PPP2R2D: variants seen among roughly 807,000 people sequenced by gnomAD.
PPP2R2D encodes serine/threonine-protein phosphatase 2A 55 kDa regulatory subunit B delta isoform.
A neutral mutation model predicts 31.1 loss-of-function variants in PPP2R2D; 9 were observed. That is an observed-to-expected ratio of 0.29 (90% CI 0.17 to 0.51). The LOEUF is 0.51. Among genes scored for constraint, PPP2R2D ranks in the 20% least tolerant of loss-of-function variants. The pLI, the probability that PPP2R2D is intolerant of heterozygous loss-of-function variation, is 0.98. For synonymous variants in PPP2R2D, 179 were observed against 172.6 expected (o/e 1.04, Z -0.29); for missense variants, 391 against 465.6 (o/e 0.84, Z 1.48).
At chr10:131,928,162 G>A (rs782044121) in intron 2 of PPP2R2D, among the ~76,000 whole-genome samples, 3 of 152,176 alleles carry the variant, frequency 2.0e-5, no homozygotes, top group Admixed American at 1.3e-4. Context: ...GCTAGGGAGG[G>A]TGGACACCAG....
At chr10:131,914,638 G>A (rs908816057) in intron 2 of PPP2R2D, among the ~76,000 whole-genome samples, 1 of 152,202 alleles carries the variant, frequency 6.6e-6, no homozygotes, top group African/African-American at 2.4e-5. Context: ...ACTTTGTGGA[G>A]TAAGAGTGTT....
chr10:131,964,267 CTAACTTTAGTTTCCG>C (rs201722623), downstream of PPP2R2D, among the ~76,000 whole-genome samples: 2 of 152,084 alleles, frequency 1.3e-5, no homozygotes, highest in East Asian at 3.9e-4. Flanking sequence ...CAAGAACCCA[CTAACTTTAGTTTCCG>C]TCGACGAATC....
At position 131,959,425 on chromosome 10, in the gene PPP2R2D, C is replaced by G. The variant is rs1341302430; in HGVS notation, c.*3462C>G. On this transcript the variant is annotated 3_prime_UTR_variant, in exon 9 of 9. Coordinates refer to ENST00000455566, the MANE Select transcript of PPP2R2D (RefSeq NM_018461.5). ...GGAGATGAAGGTGTGTGCTGATCCC[C>G]CATCCCCCTGTGGAGATGAAGGCGT... is the stretch of plus-strand genomic sequence containing the variant. 1 of 149,528 alleles carries G rather than the reference C, an allele frequency of 6.7e-6. No individual in the cohort carries two copies. Among genetic ancestry groups the G allele is most frequent in the Non-Finnish European group, 1.5e-5 (1 of 68,070 alleles). 9.3% of individuals were successfully genotyped at this position (149,528 alleles called of 1,614,324 possible). A position where few individuals can be genotyped will look rare whatever the true frequency, so the allele number is the denominator to read the frequency against.
chr10:131,948,447 A>T (rs183862954), intron 8 of PPP2R2D, among the ~76,000 whole-genome samples: 1 of 152,212 alleles, frequency 6.6e-6, no homozygotes, highest in African/African-American at 2.4e-5. Context: ...AGAGGAGTCT[A>T]TTGGCAATAA....
At chr10:131,953,424 G>T (rs2036727617) in intron 8 of PPP2R2D, among the ~76,000 whole-genome samples, 1 of 98,040 alleles carries the variant, frequency 1.0e-5, no homozygotes, top group African/African-American at 4.1e-5. Context: ...GACTTGCGGG[G>T]GGTCCCTGTC....
Position 131,956,361 on chromosome 10 carries a change from C to T in PPP2R2D, c.*398C>T. On this transcript the variant is annotated 3_prime_UTR_variant, in exon 9 of 9. Transcript: ENST00000455566. ...TTCTCTGCCATCACACTTGGGCCTT[C>T]ACTGCAGCGTGGTGTGGCCACCGTC... 1 of 987,560 alleles carries T rather than the reference C, an allele frequency of 1.0e-6. No individual in the cohort carries two copies. Among genetic ancestry groups the T allele is most frequent in the Non-Finnish European group, 1.2e-6 (1 of 831,416 alleles). 61.2% of individuals were successfully genotyped at this position (987,560 alleles called of 1,614,324 possible).
chr10:131,910,526 A>G (rs1054508025), intron 2 of PPP2R2D, among the ~76,000 whole-genome samples: 4 of 152,276 alleles, frequency 2.6e-5, no homozygotes, highest in African/African-American at 7.2e-5. Context: ...TTCATTTTCA[A>G]GTCAATTTCT....
intron 2 of PPP2R2D, among the ~76,000 whole-genome samples, chr10:131,932,239 T>TG (rs1564817807): frequency 6.6e-6 from 1 of 151,964 alleles, no homozygotes; most frequent in African/African-American, 2.4e-5. Context: ...GACATGGCAG[T>TG]GGGGCCTGTC....
At chr10:131,915,959 T>G (rs1365053983) in intron 2 of PPP2R2D, among the ~76,000 whole-genome samples, 1 of 152,204 alleles carries the variant, frequency 6.6e-6, no homozygotes, top group African/African-American at 2.4e-5. Context: ...ATTTGCTTAC[T>G]GTTCATTAAA....
downstream of PPP2R2D, among the ~76,000 whole-genome samples, chr10:131,961,714 T>G (rs1554901486): frequency 1.3e-5 from 2 of 152,148 alleles, no homozygotes; most frequent in African/African-American, 4.8e-5. Context: ...CCTTCCGCCT[T>G]GTGTGCTCTG....
intron 3 of PPP2R2D, 162 bp from the exon 4 acceptor site, chr10:131,939,869 T>C (rs1259808639): frequency 2.0e-4 from 15 of 74,956 alleles, no homozygotes; most frequent in Non-Finnish European, 2.7e-4. Flanking sequence ...AAGTTCGTTC[T>C]TTTTTTTTTT....
intron 8 of PPP2R2D, among the ~76,000 whole-genome samples, chr10:131,953,571 T>A (rs376728391): frequency 8.1e-6 from 1 of 122,820 alleles, no homozygotes; most frequent in Non-Finnish European, 1.7e-5. Context: ...TGTGTGGGGG[T>A]CACTGTCTTA....
rs1021413529 is a variant in PPP2R2D at position 131,908,830 on chromosome 10, C to T, written c.100+7500C>T. On this transcript the variant is annotated intron_variant, in intron 2 of 8. Coordinates refer to ENST00000455566, the MANE Select transcript of PPP2R2D (RefSeq NM_018461.5). Reference sequence around the variant, plus strand: ...TAGCTGACTCTGTCACTTCAGGGAGCCAGTTTAAGAAAAATGAAGGGTAAT... The same window carrying T: ...TAGCTGACTCTGTCACTTCAGGGAGTCAGTTTAAGAAAAATGAAGGGTAAT... Among the ~76,000 whole-genome samples the T allele has an allele frequency of 3.4e-3, 512 of 152,248 alleles. 6 individuals are homozygous for T. The highest frequency in any genetic ancestry group is 0.012 in the African/African-American group (485 of 41,550).
At chr10:131,910,157 G>A (rs1470636527) in intron 2 of PPP2R2D, among the ~76,000 whole-genome samples, 11 of 152,268 alleles carry the variant, frequency 7.2e-5, no homozygotes, top group African/African-American at 2.4e-4. Flanking sequence ...CCGGCCTTTC[G>A]GAGTCAGTGA....
chr10:131,910,714 T>G (rs947973333), intron 2 of PPP2R2D, among the ~76,000 whole-genome samples: 1 of 152,186 alleles, frequency 6.6e-6, no homozygotes, highest in Admixed American at 6.5e-5. Context: ...TCGTAATGCG[T>G]TGGCTAAGGG....
intron 5 of PPP2R2D, among the ~76,000 whole-genome samples, chr10:131,941,889 G>A (rs2036448548): frequency 6.6e-6 from 1 of 152,204 alleles, no homozygotes; most frequent in Non-Finnish European, 1.5e-5. Context: ...AAAGGCTGTG[G>A]CATTTGCTGA....
chr10:131,924,302 A>G (rs576842590), intron 2 of PPP2R2D, among the ~76,000 whole-genome samples: 10 of 152,228 alleles, frequency 6.6e-5, no homozygotes, highest in Admixed American at 1.3e-4. Context: ...CCATGTTTAT[A>G]TATAATTATA....
chr10:131,914,607 G>C (rs1342789535), intron 2 of PPP2R2D, among the ~76,000 whole-genome samples: 1 of 152,208 alleles, frequency 6.6e-6, no homozygotes. Context: ...TAGTGAGGCG[G>C]TTACATGTGT....
At chr10:131,952,970 G>T (rs1384524006) in intron 8 of PPP2R2D, among the ~76,000 whole-genome samples, 2 of 118,658 alleles carry the variant, frequency 1.7e-5, no homozygotes, top group South Asian at 3.2e-4. Context: ...GAGTGTGCGG[G>T]GGTTCACTGT....
Sources: gnomAD v4.1 joint callset for allele counts (sites outside exome capture counted in the v4.1 genomes callset) on GRCh38, gnomAD v4.1.1 for gene constraint, MANE v1.5 for transcripts, NCBI Gene and HGNC (gene_info 2026-07-23, HGNC 2026-07-21) for gene names.